The following UBR2 variants were observed in gnomAD, a reference collection of about 807,000 sequenced individuals.
The protein encoded by UBR2 is ubiquitin protein ligase E3 component n-recognin 2.
Under a neutral mutation model 247.9 loss-of-function variants are expected in UBR2, and 92 were observed. That is an observed-to-expected ratio of 0.37 (90% confidence interval 0.31 to 0.44). The LOEUF is 0.44. Ranked by LOEUF, UBR2 falls within the 20% of genes least tolerant of loss-of-function variation. The pLI, the probability that UBR2 is intolerant of heterozygous loss-of-function variation, is 1.00. For synonymous variants in UBR2, 672 were observed against 693.5 expected, an observed-to-expected ratio of 0.97 and a Z score of 0.49; for missense variants, 1,613 against 2,112.6, an observed-to-expected ratio of 0.76 and a Z score of 4.64.
At chr6:42,586,883 G>T (rs796266441) in intron 2 of UBR2, among the ~76,000 whole-genome samples, 1 of 147,092 alleles carries the variant, frequency 6.8e-6, no homozygotes, top group Non-Finnish European at 1.5e-5. Flanking sequence ...GTGCAGTGGC[G>T]CAATCTCGGC....
At chr6:42,685,590 G>A (rs1799338735) in intron 44 of UBR2, among the ~76,000 whole-genome samples, 1 of 151,472 alleles carries the variant, frequency 6.6e-6, no homozygotes, top group South Asian at 2.1e-4. Context: ...TCAGCCTCCT[G>A]AGTAGCTGGG....
Position 42,659,741 on chromosome 6 carries a change from T to A in UBR2, c.3328T>A (p.Leu1110Met). The change falls in exon 30 of 47, where the codon TTG (leucine) becomes ATG (methionine). Residue 1110 changes from leucine to methionine, a missense_variant. Physicochemically the swap from Leu to Met is conservative, Grantham distance 15. This residue lies in a region of UBR2 where 1,524 missense variants were observed against 1,967.3 expected (regional missense o/e 0.77). Transcript: ENST00000372901. The surrounding 1 kb of genome is among the most constrained non-coding windows in gnomAD (Gnocchi z 4.3). ...ACAAAGACAATTCGTTACATGTATATTGTGTCAAGAGGAGCAAGAAGTTAA... is the reference window on the plus strand; with the variant it reads ...ACAAAGACAATTCGTTACATGTATAATGTGTCAAGAGGAGCAAGAAGTTAA... ...PEQRQFVTCI[L>M]CQEEQEVKVE... The A allele has an allele frequency of 6.2e-7, 1 of 1,614,158 alleles. No individual in the cohort carries two copies. Among genetic ancestry groups the A allele is most frequent in the South Asian group, 1.1e-5 (1 of 91,084 alleles).
chr6:42,624,245 A>T (rs1165875735), intron 11 of UBR2, among the ~76,000 whole-genome samples: 1 of 151,338 alleles, frequency 6.6e-6, no homozygotes, highest in African/African-American at 2.4e-5. Context: ...TGTGCAAGTG[A>T]TCCACCTCAG....
chr6:42,623,130 A>G (rs1368158462), intron 11 of UBR2, among the ~76,000 whole-genome samples: 1 of 152,340 alleles, frequency 6.6e-6, no homozygotes, highest in Non-Finnish European at 1.5e-5. Context: ...CAAGTGGTAG[A>G]TAAAAGCAGA....
chr6:42,600,621 G>A (rs1229256758), intron 4 of UBR2, among the ~76,000 whole-genome samples: 1 of 68,662 alleles, frequency 1.5e-5, no homozygotes, highest in Non-Finnish European at 2.5e-5. Context: ...CTGGGTTACT[G>A]TAGCAAAAAA....
At chr6:42,657,683 G>A (rs897548600) in intron 26 of UBR2, among the ~76,000 whole-genome samples, 8 of 152,156 alleles carry the variant, frequency 5.3e-5, no homozygotes, top group African/African-American at 1.9e-4. Flanking sequence ...GTGCATATAT[G>A]CACCTCTTAA....
At chr6:42,626,330 T>TA (rs36072475) in intron 11 of UBR2, among the ~76,000 whole-genome samples, 41,077 of 152,014 alleles carry the variant, frequency 0.27, 5,719 homozygotes, top group East Asian at 0.47. Flanking sequence ...ACAGTCTTGT[T>TA]TGTGGCAAAT....
At chr6:42,604,061 T>C (rs553893669) in intron 5 of UBR2, among the ~76,000 whole-genome samples, 1 of 152,336 alleles carries the variant, frequency 6.6e-6, no homozygotes, top group South Asian at 2.1e-4. Context: ...AATATCATTA[T>C]AGGAAATAAA....
intron 13 of UBR2, chr6:42,634,278 G>C (rs1795946478): frequency 2.3e-6 from 1 of 425,662 alleles, no homozygotes. Context: ...ACAGAATCTA[G>C]AAGTAGAAAC....
intron 11 of UBR2, among the ~76,000 whole-genome samples, chr6:42,624,049 G>T (rs1795171942): frequency 6.6e-6 from 1 of 152,004 alleles, no homozygotes; most frequent in Non-Finnish European, 1.5e-5. Flanking sequence ...AGATTAAAGA[G>T]GACTCATTAA....
chr6:42,651,668 T>A (rs922779885), intron 23 of UBR2, among the ~76,000 whole-genome samples: 2 of 151,978 alleles, frequency 1.3e-5, no homozygotes, highest in African/African-American at 2.4e-5. Flanking sequence ...TTTTTGTATT[T>A]TTAGTAGAGA....
chr6:42,586,977 G>T (rs963306033), intron 2 of UBR2, among the ~76,000 whole-genome samples: 1 of 151,240 alleles, frequency 6.6e-6, no homozygotes, highest in Non-Finnish European at 1.5e-5. Context: ...CCGCCACCAC[G>T]CCTGGCTAAT....
chr6:42,578,309 C>T (rs1325015774), intron 2 of UBR2, among the ~76,000 whole-genome samples: 1 of 152,118 alleles, frequency 6.6e-6, no homozygotes, highest in East Asian at 1.9e-4. Context: ...CAGAATAGAG[C>T]TGGTGGATCA....
rs755289391 is a variant in UBR2, at chr6:42,683,126, C to T, written c.4775+15C>T. 6.2e-7 allele frequency: 1 copy of T among 1,606,366 alleles called. No homozygotes were observed. The highest frequency in any genetic ancestry group is 1.7e-5 in the Admixed American group (1 of 58,842). On this transcript the variant is annotated intron_variant, in intron 43 of 46. Coordinates refer to ENST00000372901, the MANE Select transcript of UBR2 (RefSeq NM_001363705.2). ...GATGCTATAAGGTAAGTTAAAGAGC[C>T]TCAAAAACTTTATTGAGGTGGGAGA...
chr6:42,689,739 G>A lies in UBR2; in HGVS notation c.5126+69G>A, dbSNP rs1008544414. 68 of 1,392,562 alleles carry A rather than the reference G, an allele frequency of 4.9e-5. No individual in the cohort carries two copies. The highest frequency in any genetic ancestry group is 6.3e-5 in the Non-Finnish European group (62 of 980,216). The allele number at this position is 1,392,562 out of a possible 1,614,324, so 86.3% of individuals were successfully genotyped here. Reference sequence around the variant, plus strand: ...CCTTCCGTATGTGGTGACGTCCTGAGGGTGGAGGGCTGAGGTGGTTCTGGA... The same window carrying A: ...CCTTCCGTATGTGGTGACGTCCTGAAGGTGGAGGGCTGAGGTGGTTCTGGA... On this transcript the variant is annotated intron_variant, in intron 46 of 46. Coordinates refer to ENST00000372901, the MANE Select transcript of UBR2 (RefSeq NM_001363705.2). This position sits in a 1 kb window ranked among gnomAD's most constrained non-coding sequence, Gnocchi z 4.0.
At chr6:42,575,828 T>C (rs73436667) in intron 2 of UBR2, among the ~76,000 whole-genome samples, 2,102 of 152,320 alleles carry the variant, frequency 0.014, 43 homozygotes, top group African/African-American at 0.049. Flanking sequence ...ATAAGTGTGT[T>C]GTTGGGAAGT....
At chr6:42,631,624 G>A (rs1489779492) in intron 11 of UBR2, among the ~76,000 whole-genome samples, 1 of 151,588 alleles carries the variant, frequency 6.6e-6, no homozygotes, top group Middle Eastern at 3.2e-3. Context: ...ACCAGTAAAA[G>A]CTTGGCTAAA....
Position 42,692,739 on chromosome 6 carries a change from A to G in UBR2, c.*1566A>G, listed in dbSNP as rs1799808887. On this transcript the variant is annotated 3_prime_UTR_variant, in exon 47 of 47. Transcript: ENST00000372901. ...AGGTCAGAAATCTGGAACTGAAGCT[A>G]AAAGAAGTGAGGATGTAGAAGCCAC... is the stretch of plus-strand genomic sequence containing the variant. 6.6e-6 allele frequency: 1 copy of G among 152,232 alleles called. No individual in the cohort carries two copies. Among genetic ancestry groups the G allele is most frequent in the African/African-American group, 2.4e-5 (1 of 41,466 alleles). The allele number at this position is 152,232 out of a possible 1,614,324, so 9.4% of individuals were successfully genotyped here. A position where few individuals can be genotyped will look rare whatever the true frequency, so the allele number is the denominator to read the frequency against.
chr6:42,644,367 A>G (rs372833901), intron 19 of UBR2, 31 bp downstream of exon 19: 105 of 1,607,914 alleles, frequency 6.5e-5, no homozygotes, highest in Middle Eastern at 1.7e-4. Flanking sequence ...ACCACAACAC[A>G]TTGCTAAAGA....
Sources: gnomAD v4.1 joint callset for allele counts (sites outside exome capture counted in the v4.1 genomes callset) on GRCh38, gnomAD v4.1.1 for gene constraint, gnomAD v4.1.1 regional missense constraint, Gnocchi (gnomAD v3.1) non-coding constraint, MANE v1.5 for transcripts, NCBI Gene and HGNC (gene_info 2026-07-23, HGNC 2026-07-21) for gene names.